The following WWOX variants were observed in gnomAD, a reference collection of about 807,000 sequenced individuals.
WWOX encodes WW domain containing oxidoreductase.
WWOX carries 69 observed loss-of-function variants against 46.2 expected under a neutral mutation model. The ratio of observed to expected loss-of-function variants is 1.49; its 90% CI spans 1.23 to 1.82. The LOEUF is 1.82. Among genes scored for constraint, WWOX ranks in the 40% most tolerant of loss-of-function variants. WWOX has a pLI of 0.00. For synonymous variants in WWOX, 359 were observed against 202.6 expected (o/e 1.77, Z -6.56); for missense variants, 919 against 542.6 (o/e 1.69, Z -6.89).
At chr16:78,720,828 T>C (rs920977608) in intron 8 of WWOX, among the ~76,000 whole-genome samples, 3 of 152,112 alleles carry the variant, frequency 2.0e-5, no homozygotes, top group African/African-American at 7.2e-5. Context: ...TTAGATACTT[T>C]CTTGGGGAGA....
intron 8 of WWOX, among the ~76,000 whole-genome samples, chr16:78,961,368 C>T (rs937339718): frequency 1.9e-4 from 29 of 152,236 alleles, no homozygotes; most frequent in South Asian, 6.2e-4. Context: ...GGTCTTTGAC[C>T]ATCAAGGAGG....
At chr16:79,030,761 A>G (rs1281927822) in intron 8 of WWOX, among the ~76,000 whole-genome samples, 2 of 152,032 alleles carry the variant, frequency 1.3e-5, no homozygotes, top group East Asian at 3.9e-4. Context: ...CATGCCAACT[A>G]GGTGTAAATG....
chr16:78,735,019 A>T (rs2049053596), intron 8 of WWOX, among the ~76,000 whole-genome samples: 1 of 151,014 alleles, frequency 6.6e-6, no homozygotes, highest in South Asian at 2.1e-4. Context: ...GGCACCCACC[A>T]TCATGCCCAG....
intron 8 of WWOX, among the ~76,000 whole-genome samples, chr16:78,901,537 G>A (rs756953479): frequency 8.5e-5 from 13 of 152,142 alleles, no homozygotes; most frequent in East Asian, 1.9e-4. Flanking sequence ...GCCCAGGCTC[G>A]AGTACATTGG....
chr16:78,540,044 A>ACACG, intron 8 of WWOX, among the ~76,000 whole-genome samples: 1 of 151,494 alleles, frequency 6.6e-6, no homozygotes, highest in Non-Finnish European at 1.5e-5. Context: ...ACACACACAC[A>ACACG]CACAGCCAAA....
intron 5 of WWOX, among the ~76,000 whole-genome samples, chr16:78,247,696 C>T (rs930789465): frequency 1.3e-5 from 2 of 152,142 alleles, no homozygotes; most frequent in Admixed American, 6.5e-5. Context: ...CAGGTCAGTC[C>T]GTGGATCACC....
At chr16:78,838,831 G>T (rs1451894772) in intron 8 of WWOX, among the ~76,000 whole-genome samples, 5 of 152,092 alleles carry the variant, frequency 3.3e-5, no homozygotes, top group Non-Finnish European at 7.4e-5. Flanking sequence ...CAACAGAGTG[G>T]TACTCCATCT....
At chr16:78,468,431 A>G (rs1321348458) in intron 8 of WWOX, among the ~76,000 whole-genome samples, 1 of 152,052 alleles carries the variant, frequency 6.6e-6, no homozygotes, top group Non-Finnish European at 1.5e-5. Flanking sequence ...AACACCACCT[A>G]TCAGAGTTCA....
At chr16:78,113,912 A>G (rs58256360) in intron 3 of WWOX, among the ~76,000 whole-genome samples, 6,707 of 152,192 alleles carry the variant, frequency 0.044, 322 homozygotes, top group African/African-American at 0.12. Flanking sequence ...AGATGAGTAT[A>G]TATTTTAAAC....
At chr16:78,339,326 A>T (rs551958668) in intron 5 of WWOX, among the ~76,000 whole-genome samples, 1 of 114,376 alleles carries the variant, frequency 8.7e-6, no homozygotes, top group African/African-American at 3.0e-5. Flanking sequence ...TTCAACCTCA[A>T]ACTTTCATGT....
At chr16:78,869,579 A>G (rs544353249) in intron 8 of WWOX, among the ~76,000 whole-genome samples, 59 of 152,320 alleles carry the variant, frequency 3.9e-4, no homozygotes, top group Admixed American at 3.9e-4. Context: ...TGCTGTGTTG[A>G]AAAGGATTTT....
intron 8 of WWOX, among the ~76,000 whole-genome samples, chr16:79,146,896 A>G (rs942456441): frequency 6.6e-6 from 1 of 152,206 alleles, no homozygotes; most frequent in African/African-American, 2.4e-5. Flanking sequence ...GTGTCCCTTC[A>G]TGTCTAGTTC....
At chr16:78,927,678 G>T (rs186773649) in intron 8 of WWOX, among the ~76,000 whole-genome samples, 3 of 152,272 alleles carry the variant, frequency 2.0e-5, no homozygotes, top group Non-Finnish European at 2.9e-5. Flanking sequence ...ATAATTATCA[G>T]ACTTAATCAA....
intron 3 of WWOX, among the ~76,000 whole-genome samples, chr16:78,112,273 T>G (rs1188438510): frequency 6.6e-6 from 1 of 152,216 alleles, no homozygotes; most frequent in Non-Finnish European, 1.5e-5. Context: ...CCAAAACTTT[T>G]TTTTTAGCTG....
chr16:78,803,433 G>T lies in WWOX; in HGVS notation c.1056+370681G>T, dbSNP rs564004577. Among the ~76,000 whole-genome samples the T allele has an allele frequency of 1.3e-4, 20 of 152,132 alleles. No individual in the cohort carries two copies. The South Asian group carries it at 3.9e-3, about 30-fold the overall frequency. The stretch of plus-strand genomic sequence containing the variant: ...TTAAATTTGTGCAGAAAAGTATTAC[G>T]TGGGTTTCAAAGGTACTCTTTTTTC... On this transcript the variant is annotated intron_variant, in intron 8 of 8. Coordinates refer to ENST00000566780, the MANE Select transcript of WWOX (RefSeq NM_016373.4).
intron 8 of WWOX, among the ~76,000 whole-genome samples, chr16:78,636,964 C>A (rs775788575): frequency 6.6e-6 from 1 of 152,122 alleles, no homozygotes. Context: ...GGACGCGTTC[C>A]CCTTGTCTGT....
At position 78,317,868 on chromosome 16, in the gene WWOX, C is replaced by G. The variant is rs1047231485; in HGVS notation, c.517-68992C>G. Among the ~76,000 whole-genome samples, 3 of 152,162 alleles carry G rather than the reference C, an allele frequency of 2.0e-5. No homozygotes were observed. In the South Asian group the frequency reaches 6.2e-4, roughly 32 times the overall value. ...AGACTACTATCATTCATTTTCACTC[C>G]CCGTAAACATCTTCTGTTTCTGTTT... is the stretch of plus-strand genomic sequence containing the variant. On this transcript the variant is annotated intron_variant, in intron 5 of 8. Coordinates refer to ENST00000566780, the MANE Select transcript of WWOX (RefSeq NM_016373.4).
chr16:78,633,031 G>T (rs1354246580), intron 8 of WWOX, among the ~76,000 whole-genome samples: 1 of 152,098 alleles, frequency 6.6e-6, no homozygotes, highest in African/African-American at 2.4e-5. Context: ...GGGACACTGA[G>T]GTGGGTGGAT....
chr16:78,606,720 T>TC (rs1491077489), intron 8 of WWOX, among the ~76,000 whole-genome samples: 1 of 34,750 alleles, frequency 2.9e-5, no homozygotes, highest in Non-Finnish European at 1.2e-4. Context: ...GAATTGCAGT[T>TC]TTTTTTTTTT....
Sources: allele counts gnomAD v4.1 joint callset (sites outside exome capture counted in the v4.1 genomes callset), GRCh38; gene constraint gnomAD v4.1.1; transcripts MANE v1.5; gene names NCBI Gene and HGNC (gene_info 2026-07-23, HGNC 2026-07-21).